The following PFKFB3 variants were observed in gnomAD, a reference collection of about 807,000 sequenced individuals.
PFKFB3 encodes the protein 6-phosphofructo-2-kinase/fructose-2,6-bisphosphatase 3.
Under a neutral mutation model 68.0 loss-of-function variants are expected in PFKFB3, and 33 were observed. The observed-to-expected ratio is 0.49, with a 90% confidence interval of 0.37 to 0.65. PFKFB3 has a LOEUF of 0.65. Among genes scored for constraint, PFKFB3 ranks in the 30% least tolerant of loss-of-function variants. The probability of loss-of-function intolerance (pLI) is 0.00; values close to 1 mark genes in which losing one functional copy is unlikely to be tolerated. For missense variants in PFKFB3, 586 were observed against 712.2 expected (o/e 0.82, Z 2.02); for synonymous variants, 315 against 288.2 (o/e 1.09, Z -0.94).
chr10:6,247,550 C>T (rs571785332), intron 14 of PFKFB3, among the ~76,000 whole-genome samples: 18 of 152,330 alleles, frequency 1.2e-4, no homozygotes, highest in East Asian at 5.8e-4. Flanking sequence ...CTTCATTAAG[C>T]GAAAAGCTGA....
At chr10:6,146,483 C>G (rs1451677250) in intron 1 of PFKFB3, 2 of 1,535,588 alleles carry the variant, frequency 1.3e-6, no homozygotes, top group Admixed American at 2.0e-5. Flanking sequence ...TCTTCGGTGT[C>G]TCCATTAATC....
the PFKFB3 span, among the ~76,000 whole-genome samples, chr10:6,303,581 G>A: frequency 6.6e-6 from 1 of 151,966 alleles, no homozygotes; most frequent in Non-Finnish European, 1.5e-5. Flanking sequence ...TTGGGAGGCC[G>A]AGGCGGGTGG....
At chr10:6,271,822 G>A in the PFKFB3 span, among the ~76,000 whole-genome samples, 1 of 152,198 alleles carries the variant, frequency 6.6e-6, no homozygotes, top group Non-Finnish European at 1.5e-5. Context: ...CCCACACTGT[G>A]GGCATGTATT....
the PFKFB3 span, among the ~76,000 whole-genome samples, chr10:6,260,733 C>T: frequency 6.6e-6 from 1 of 152,162 alleles, no homozygotes; most frequent in Non-Finnish European, 1.5e-5. Context: ...GATTGATTCT[C>T]ATTTCTGTAT....
intron 1 of PFKFB3, among the ~76,000 whole-genome samples, chr10:6,184,394 C>T (rs1247169973): frequency 2.6e-5 from 4 of 152,130 alleles, no homozygotes; most frequent in African/African-American, 9.7e-5. Context: ...AAGCCCCATC[C>T]TGGCAATTCT....
At chr10:6,200,380 T>G (rs1435737201), upstream of PFKFB3, among the ~76,000 whole-genome samples, 1 of 152,058 alleles carries the variant, frequency 6.6e-6, no homozygotes, top group East Asian at 1.9e-4. Flanking sequence ...GTTGGACATT[T>G]GGGGTGAAGA....
rs949497771 is a variant in PFKFB3, at chr10:6,229,999, C to T, written c.1516-2896C>T. Reference sequence around the variant, plus strand: ...GGGCTATGGACTGGGTACTGGTCCACAGCCCAGGGGTTAGGGACCCCTGCG... The same window carrying T: ...GGGCTATGGACTGGGTACTGGTCCATAGCCCAGGGGTTAGGGACCCCTGCG... On this transcript the variant is annotated intron_variant, in intron 14 of 14. Coordinates refer to ENST00000379775, the MANE Select transcript of PFKFB3 (RefSeq NM_004566.4). The surrounding 1 kb of genome is among the most constrained non-coding windows in gnomAD (Gnocchi z 4.3). Among the ~76,000 whole-genome samples the T allele has an allele frequency of 6.6e-6, 1 of 152,150 alleles. No homozygotes were observed. The highest frequency in any genetic ancestry group is 1.5e-5 in the Non-Finnish European group (1 of 68,008).
chr10:6,144,995 G>A, exon 1 of PFKFB3: 1 of 1,326,360 alleles, frequency 7.5e-7, no homozygotes, highest in Non-Finnish European at 9.6e-7. Context: ...CGCCCCCGGC[G>A]CGATGCCCTT....
chr10:6,310,288 G>A, the PFKFB3 span, among the ~76,000 whole-genome samples: 2 of 152,036 alleles, frequency 1.3e-5, no homozygotes, highest in Non-Finnish European at 2.9e-5. Flanking sequence ...AGGTCTCGTT[G>A]GGATTTTTTT....
rs201147546 is a variant in PFKFB3 at position 6,220,088 on chromosome 10, T to TTTAC, written c.623+406_623+409dup. 6.6e-6 allele frequency among the ~76,000 whole-genome samples: 1 copy of TTTAC among 152,008 alleles called. No individual in the cohort carries two copies. Among genetic ancestry groups the TTTAC allele is most frequent in the Non-Finnish European group, 1.5e-5 (1 of 68,022 alleles). On this transcript the variant is annotated intron_variant, in intron 7 of 14. Transcript: ENST00000379775. This position sits in a 1 kb window ranked among gnomAD's most constrained non-coding sequence, Gnocchi z 4.1. ...TTCTTTCCATTTATTTATTTATTTA[T>TTTAC]TTACTTACTTACTTGCTTGCCTGCT...
chr10:6,265,368 A>T, the PFKFB3 span, among the ~76,000 whole-genome samples: 1 of 152,124 alleles, frequency 6.6e-6, no homozygotes, highest in Admixed American at 6.5e-5. Flanking sequence ...GGCATGAGCC[A>T]CCGCCCCTCA....
At chr10:6,325,917 G>A in the PFKFB3 span, among the ~76,000 whole-genome samples, 60 of 152,250 alleles carry the variant, frequency 3.9e-4, no homozygotes, top group African/African-American at 1.3e-3. Context: ...TCCTTCTGCC[G>A]CTCTGTTGCT....
At chr10:6,235,907 C>T (rs1487395978), downstream of PFKFB3, among the ~76,000 whole-genome samples, 1 of 151,938 alleles carries the variant, frequency 6.6e-6, no homozygotes, top group Non-Finnish European at 1.5e-5. Context: ...GCTGGGATTA[C>T]AGGTGTGCAC....
chr10:6,256,476 G>T (rs895070685), downstream of PFKFB3, among the ~76,000 whole-genome samples: 17 of 152,182 alleles, frequency 1.1e-4, no homozygotes, highest in Non-Finnish European at 1.8e-4. Flanking sequence ...TGGTCCCAGG[G>T]TTGTGCCAAT....
intron 4 of PFKFB3, among the ~76,000 whole-genome samples, chr10:6,216,406 TC>T (rs1246127183): frequency 6.6e-6 from 1 of 152,084 alleles, no homozygotes; most frequent in African/African-American, 2.4e-5. Flanking sequence ...CGGGCAGGAC[TC>T]GAGTTACCCA....
intron 1 of PFKFB3, among the ~76,000 whole-genome samples, chr10:6,183,695 T>C (rs1346776403): frequency 9.2e-6 from 1 of 108,126 alleles, no homozygotes; most frequent in Non-Finnish European, 2.2e-5. Context: ...TTTTTTTTAA[T>C]TTTTTTTTTT....
At chr10:6,257,843 A>T (rs924699113), downstream of PFKFB3, among the ~76,000 whole-genome samples, 2 of 152,142 alleles carry the variant, frequency 1.3e-5, no homozygotes, top group Admixed American at 1.3e-4. Flanking sequence ...CACCCACCTG[A>T]TCCCCATGCG....
chr10:6,272,789 C>T, the PFKFB3 span, among the ~76,000 whole-genome samples: 1 of 152,116 alleles, frequency 6.6e-6, no homozygotes, highest in African/African-American at 2.4e-5. Context: ...TGGATCTGTG[C>T]ATGCCAAGGG....
the PFKFB3 span, among the ~76,000 whole-genome samples, chr10:6,286,143 A>AT: frequency 4.0e-5 from 6 of 151,198 alleles, no homozygotes; most frequent in East Asian, 2.0e-4. Flanking sequence ...ACGTCTGGCT[A>AT]TTTTTTTGTA....
Sources: allele counts gnomAD v4.1 joint callset (sites outside exome capture counted in the v4.1 genomes callset), GRCh38; gene constraint gnomAD v4.1.1; non-coding constraint Gnocchi (gnomAD v3.1); transcripts MANE v1.5; gene names NCBI Gene and HGNC (gene_info 2026-07-23, HGNC 2026-07-21).